The following BEND5 variants were observed in gnomAD, a reference collection of about 807,000 sequenced individuals.
BEND5 encodes the protein BEN domain-containing protein 5.
BEND5 carries 22 observed loss-of-function variants against 43.9 expected under a neutral mutation model. The ratio of observed to expected loss-of-function variants is 0.50; its 90% CI spans 0.36 to 0.72. The LOEUF (loss-of-function observed/expected upper bound fraction) is 0.72. Among genes scored for constraint, BEND5 ranks in the 30% least tolerant of loss-of-function variants. The probability of loss-of-function intolerance (pLI) is 0.00; values close to 1 mark genes in which losing one functional copy is unlikely to be tolerated. For synonymous variants in BEND5, 228 were observed against 225.9 expected, an observed-to-expected ratio of 1.01 and a Z score of -0.08; for missense variants, 428 against 550.6, an observed-to-expected ratio of 0.78 and a Z score of 2.23.
intron 3 of BEND5, 108 bp from the exon 4 acceptor site, chr1:48,742,879 T>C: frequency 8.5e-7 from 1 of 1,176,662 alleles, no homozygotes; most frequent in Non-Finnish European, 1.1e-6. Context: ...ATTTGCTAGC[T>C]TATTTTTGTC....
intron 1 of BEND5, 73 bp downstream of exon 1, chr1:48,776,533 C>T (rs1328203657): frequency 4.4e-5 from 51 of 1,157,136 alleles, no homozygotes; most frequent in Non-Finnish European, 5.8e-5. Context: ...TCCCCTCCGC[C>T]CGGGCCCCCG....
Position 48,736,408 on chromosome 1 carries a change from G to T in BEND5, c.939C>A (p.His313Gln). ...AATCTCCTTGGGTTACTTGTAGCTG[G>T]TGCCATTTCTCCTCATCAACCCAAA... Reference protein sequence around the residue: ...SGIWVDEEKWHQLQVTQGDSK... With the variant: ...SGIWVDEEKWQQLQVTQGDSK... The change falls in exon 5 of 6, where the codon CAC (histidine) becomes CAA (glutamine). Residue 313 changes from histidine (H) to glutamine (Q), a missense_variant. His to Gln is a conservative substitution (Grantham distance 24). Transcript: ENST00000371833. This position sits in a 1 kb window ranked among gnomAD's most constrained non-coding sequence, Gnocchi z 4.0. 1.2e-6 allele frequency: 2 copies of T among 1,614,062 alleles called. No homozygotes were observed. Among genetic ancestry groups the T allele is most frequent in the South Asian group, 1.1e-5 (1 of 91,082 alleles).
rs964008968 is a variant in BEND5, at chr1:48,742,712, G to T, written c.805C>A (p.Arg269=). The T allele has an allele frequency of 6.2e-7, 1 of 1,610,806 alleles. No individual in the cohort carries two copies. The highest frequency in any genetic ancestry group is 1.7e-5 in the Admixed American group (1 of 59,558). ...TTTGCTTCCTCACTGAAAGTGCTCC[G>T]TAACTCCGGCTCGGGCTCGAGACAT... ...SECLEPEPEL[R]STFSEEANTS... Residue 269 remains arginine (R), a synonymous_variant, in exon 4 of 6, where the codon CGG becomes AGG. Coordinates refer to ENST00000371833, the MANE Select transcript of BEND5 (RefSeq NM_024603.4).
intron 1 of BEND5, among the ~76,000 whole-genome samples, chr1:48,774,825 T>C (rs1430990567): frequency 6.6e-6 from 1 of 152,112 alleles, no homozygotes; most frequent in Non-Finnish European, 1.5e-5. Flanking sequence ...AATGAATGAG[T>C]AGATGAATGA....
Position 48,761,283 on chromosome 1 carries a change from G to C in BEND5, c.360+54C>G, listed in dbSNP as rs144179324. 45 of 1,500,702 alleles carry C rather than the reference G, an allele frequency of 3.0e-5. No homozygotes were observed. The Middle Eastern group carries it at 8.7e-4, about 29-fold the overall frequency. 93.0% of individuals were successfully genotyped at this position (1,500,702 alleles called of 1,614,324 possible). ...AGCCAGACTGAAACTCTTTAGCTAC[G>C]AGATATCTGAAAATGCTCCAGCATA... On this transcript the variant is annotated intron_variant, in intron 2 of 5. Transcript: ENST00000371833.
intron 1 of BEND5, among the ~76,000 whole-genome samples, chr1:48,772,659 CT>C (rs1644895346): frequency 6.6e-6 from 1 of 152,050 alleles, no homozygotes; most frequent in South Asian, 2.1e-4. Flanking sequence ...ACAGAAGGTT[CT>C]AATGAGAGCA....
intron 3 of BEND5, among the ~76,000 whole-genome samples, chr1:48,755,704 A>T (rs1350024725): frequency 6.6e-6 from 1 of 152,188 alleles, no homozygotes; most frequent in Non-Finnish European, 1.5e-5. Flanking sequence ...AGACTTTCCA[A>T]GAGAGACTTC....
chr1:48,768,988 T>C (rs1048574859), intron 1 of BEND5, among the ~76,000 whole-genome samples: 17 of 152,234 alleles, frequency 1.1e-4, no homozygotes, highest in African/African-American at 4.1e-4. Context: ...TGCTGTGGTG[T>C]TGCAGAAAGA....
intron 1 of BEND5, among the ~76,000 whole-genome samples, chr1:48,766,897 T>C (rs573429360): frequency 6.6e-6 from 1 of 152,350 alleles, no homozygotes; most frequent in South Asian, 2.1e-4. Context: ...GTAGTCCTTG[T>C]GTTTTTGGTC....
chr1:48,749,920 A>G (rs1651406729), intron 3 of BEND5, among the ~76,000 whole-genome samples: 1 of 152,170 alleles, frequency 6.6e-6, no homozygotes, highest in South Asian at 2.1e-4. Context: ...TTGGGGGGCT[A>G]AGGAGTTGTG....
Position 48,736,483 on chromosome 1 carries a change from T to C in BEND5, c.895-31A>G. The C allele has an allele frequency of 6.3e-7, 1 of 1,595,944 alleles. No homozygotes were observed. The highest frequency in any genetic ancestry group is 8.6e-7 in the Non-Finnish European group (1 of 1,164,174). On this transcript the variant is annotated intron_variant, in intron 4 of 5. Transcript: ENST00000371833. This position sits in a 1 kb window ranked among gnomAD's most constrained non-coding sequence, Gnocchi z 4.0. ...AGGAATAAGAACACCAGCACCTGTTTAGTCCGACAGGAGGGCAGTGGGAGG... is the reference window on the plus strand; with the variant it reads ...AGGAATAAGAACACCAGCACCTGTTCAGTCCGACAGGAGGGCAGTGGGAGG...
chr1:48,748,454 AC>A (rs1221203461), intron 3 of BEND5, among the ~76,000 whole-genome samples: 1 of 152,298 alleles, frequency 6.6e-6, no homozygotes, highest in Non-Finnish European at 1.5e-5. Flanking sequence ...GCAGCAGACT[AC>A]CACCAGCCAT....
chr1:48,755,619 C>T (rs1652431583), intron 3 of BEND5, among the ~76,000 whole-genome samples: 1 of 152,012 alleles, frequency 6.6e-6, no homozygotes, highest in Non-Finnish European at 1.5e-5. Context: ...GTCTCTCATT[C>T]GCTTTCTGGT....
At position 48,761,203 on chromosome 1, in the gene BEND5, T is replaced by C. The variant is rs1644239328; in HGVS notation, c.360+134A>G. 6.9e-6 allele frequency: 7 copies of C among 1,013,334 alleles called. No homozygotes were observed. In the East Asian group the frequency reaches 1.6e-4, roughly 23 times the overall value. 62.8% of individuals were successfully genotyped at this position (1,013,334 alleles called of 1,614,324 possible). A position where few individuals can be genotyped will look rare whatever the true frequency, so the allele number is the denominator to read the frequency against. On this transcript the variant is annotated intron_variant, in intron 2 of 5. Coordinates refer to ENST00000371833, the MANE Select transcript of BEND5 (RefSeq NM_024603.4). ...CACACGAGTTGTCCCACGCTTTCACTACCCTGAAAAAATCATAGCCTGTGA... is the reference window on the plus strand; with the variant it reads ...CACACGAGTTGTCCCACGCTTTCACCACCCTGAAAAAATCATAGCCTGTGA...
chr1:48,732,318 C>T (rs912112703), intron 5 of BEND5, among the ~76,000 whole-genome samples: 1 of 152,016 alleles, frequency 6.6e-6, no homozygotes, highest in Non-Finnish European at 1.5e-5. Context: ...GATCATAGAT[C>T]AAGAAATCAG....
At chr1:48,760,734 CT>C (rs1644213697) in intron 2 of BEND5, among the ~76,000 whole-genome samples, 1 of 152,186 alleles carries the variant, frequency 6.6e-6, no homozygotes, top group Admixed American at 6.5e-5. Context: ...ATCCCACTTC[CT>C]TATCGTCCTT....
chr1:48,728,355 A>G (rs1647519488), intron 5 of BEND5, among the ~76,000 whole-genome samples: 1 of 148,808 alleles, frequency 6.7e-6, no homozygotes, highest in Admixed American at 6.7e-5. Context: ...AGAGATAACC[A>G]TTCTCCTGAA....
chr1:48,734,516 C>T (rs192118404), intron 5 of BEND5, among the ~76,000 whole-genome samples: 6 of 152,300 alleles, frequency 3.9e-5, no homozygotes, highest in African/African-American at 1.4e-4. Context: ...ATCCAAGCTG[C>T]TTACTGTGGC....
intron 1 of BEND5, among the ~76,000 whole-genome samples, 192 bp from the exon 2 acceptor site, chr1:48,761,662 G>A (rs1644262505): frequency 6.6e-6 from 1 of 152,140 alleles, no homozygotes; most frequent in Non-Finnish European, 1.5e-5. Context: ...TAGGAACAAG[G>A]GTGTTTGCTA....
Sources: gnomAD v4.1 joint callset for allele counts (sites outside exome capture counted in the v4.1 genomes callset) on GRCh38, gnomAD v4.1.1 for gene constraint, Gnocchi (gnomAD v3.1) non-coding constraint, MANE v1.5 for transcripts, NCBI Gene and HGNC (gene_info 2026-07-23, HGNC 2026-07-21) for gene names.